The following SRR variants were observed in gnomAD, a reference collection of about 807,000 sequenced individuals.
SRR encodes D-serine ammonia-lyase.
SRR carries 19 observed loss-of-function variants against 32.7 expected under a neutral mutation model. The observed-to-expected ratio is 0.58, with a 90% confidence interval of 0.40 to 0.85. SRR has a LOEUF of 0.85. SRR is among the 40% of genes least tolerant of loss of function. The pLI is 0.00. For synonymous variants in SRR, 142 were observed against 140.9 expected (o/e 1.01, Z -0.06); for missense variants, 373 against 404.7 (o/e 0.92, Z 0.67).
At position 2,321,554 on chromosome 17, in the gene SRR, G is replaced by T; in HGVS notation, c.532G>T (p.Asp178Tyr). Residue 178 changes from aspartate (D) to tyrosine (Y), a missense_variant, in exon 6 of 8, where the codon GAT (aspartate) becomes TAT (tyrosine). Asp to Tyr is a radical substitution (Grantham distance 160, BLOSUM62 -3). Coordinates refer to ENST00000344595, the MANE Select transcript of SRR (RefSeq NM_021947.3). ...LEVLNQVPLV[D>Y]ALVVPVGGGG... Reference sequence around the variant, plus strand: ...ATTTTCACTAAAGGTTCCTTTGGTGGATGCACTGGTGGTACCTGTAGGTGG... The same window carrying T: ...ATTTTCACTAAAGGTTCCTTTGGTGTATGCACTGGTGGTACCTGTAGGTGG... The T allele has an allele frequency of 6.2e-7, 1 of 1,614,068 alleles. No homozygotes were observed. Among genetic ancestry groups the T allele is most frequent in the Non-Finnish European group, 8.5e-7 (1 of 1,179,976 alleles).
intron 2 of SRR, 105 bp downstream of exon 2, chr17:2,315,833 CCTTTATACAG>C: frequency 1.8e-6 from 2 of 1,096,856 alleles, no homozygotes; most frequent in Non-Finnish European, 2.6e-6. Context: ...TAAATTAATG[CCTTTATACAG>C]CTGGAAAAAA....
In SRR at chr17:2,318,035, A is replaced by G. The variant is rs754344252; in HGVS notation, c.295+39A>G. The G allele has an allele frequency of 5.9e-6, 9 of 1,535,206 alleles. No homozygotes were observed. The Admixed American group carries it at 1.5e-4, about 26-fold the overall frequency. ...CAAGGTACTGGGTAGATCTTCAGAA[A>G]GGAGTGGAAAAGTGCCCTTAATTTC... On this transcript the variant is annotated intron_variant, in intron 3 of 7. Transcript: ENST00000344595.
chr17:2,303,800 C>T (rs1333610122), upstream of SRR: 2 of 1,206,684 alleles, frequency 1.7e-6, no homozygotes, highest in African/African-American at 3.2e-5. Context: ...GGGCGGCGCG[C>T]GCGCTCGCCC....
chr17:2,312,667 A>G (rs1234649597), intron 1 of SRR, among the ~76,000 whole-genome samples: 1 of 152,214 alleles, frequency 6.6e-6, no homozygotes, highest in Non-Finnish European at 1.5e-5. Flanking sequence ...GAAAAGAGGC[A>G]TCATTCCATC....
intron 1 of SRR, among the ~76,000 whole-genome samples, chr17:2,312,359 T>A (rs960880047): frequency 1.3e-5 from 2 of 151,632 alleles, no homozygotes; most frequent in African/African-American, 4.8e-5. Flanking sequence ...ACTTTGGGAG[T>A]CTGAGGCAGG....
Position 2,323,291 on chromosome 17 carries a change from T to A in SRR, c.750T>A (p.Pro250=). 6.2e-7 allele frequency: 1 copy of A among 1,614,150 alleles called. No individual in the cohort carries two copies. The change falls in exon 7 of 8, where the codon CCT becomes CCA. Residue 250 remains proline, a synonymous_variant. Coordinates refer to ENST00000344595, the MANE Select transcript of SRR (RefSeq NM_021947.3). ...CCAGCATTGGCTTGAACACCTGGCC[T>A]ATTATCAGGGACCTTGTGGATGATA... ...VKSSIGLNTW[P]IIRDLVDDIF...
chr17:2,307,409 G>T, intron 1 of SRR: 1 of 1,224,288 alleles, frequency 8.2e-7, no homozygotes. Flanking sequence ...GACAACTTTG[G>T]TTGTGAAGGA....
intron 1 of SRR, chr17:2,307,822 C>T: frequency 2.9e-6 from 2 of 681,920 alleles, no homozygotes; most frequent in Non-Finnish European, 5.3e-6. Flanking sequence ...GTGGCAGGGC[C>T]TAGCTGCTAC....
intron 4 of SRR, among the ~76,000 whole-genome samples, chr17:2,320,643 C>G (rs1420907555): frequency 1.3e-5 from 2 of 151,970 alleles, no homozygotes; most frequent in Non-Finnish European, 2.9e-5. Flanking sequence ...CTCCCTGCAG[C>G]CTCCGCTTCC....
At chr17:2,317,133 G>A (rs911106947) in intron 2 of SRR, among the ~76,000 whole-genome samples, 2 of 143,806 alleles carry the variant, frequency 1.4e-5, no homozygotes, top group Admixed American at 1.5e-4. Flanking sequence ...AACCCAGAAG[G>A]CAGAGGTTGC....
In SRR at chr17:2,317,937, T is replaced by C. The variant is rs754667970; in HGVS notation, c.236T>C (p.Val79Ala). Residue 79 changes from valine (V) to alanine (A), a missense_variant, in exon 3 of 8, where the codon GTT becomes GCT. Coordinates refer to ENST00000344595, the MANE Select transcript of SRR (RefSeq NM_021947.3). The stretch of plus-strand genomic sequence containing the variant: ...GCTTTAGAAAGGAAGCCGAAAGCTG[T>C]TGTTACTCACAGCAGTGGAAACCAT... The part of the protein sequence containing the change: ...PDALERKPKA[V>A]VTHSSGNHGQ... 26 of 1,614,076 alleles carry C rather than the reference T, an allele frequency of 1.6e-5. No individual in the cohort carries two copies. The highest frequency in any genetic ancestry group is 2.1e-5 in the Non-Finnish European group (25 of 1,180,000).
Position 2,315,735 on chromosome 17 carries a change from A to C in SRR, c.168+7A>C. ...GAAAACAGGATCTTTTAAGGTAACA[A>C]TCCTTTTTCTCAGTGTATCATGTAT... On this transcript the variant is annotated splice_region_variant and intron_variant, in intron 2 of 7. Coordinates refer to ENST00000344595, the MANE Select transcript of SRR (RefSeq NM_021947.3). 1 of 1,612,426 alleles carries C rather than the reference A, an allele frequency of 6.2e-7. No homozygotes were observed. Among genetic ancestry groups the C allele is most frequent in the Non-Finnish European group, 8.5e-7 (1 of 1,179,062 alleles).
At chr17:2,303,659 G>T, upstream of SRR, 1 of 1,491,988 alleles carries the variant, frequency 6.7e-7, no homozygotes, top group Non-Finnish European at 8.9e-7. Flanking sequence ...CGGGGCCAGA[G>T]TAGCCAGGAT....
chr17:2,307,237 G>T, intron 1 of SRR: 1 of 1,257,996 alleles, frequency 7.9e-7, no homozygotes, highest in Non-Finnish European at 1.1e-6. Flanking sequence ...TGACTCCGTG[G>T]ATAAGACTGT....
Position 2,312,411 on chromosome 17 carries a change from C to T in SRR, c.-4-3146C>T, listed in dbSNP as rs146383578. On this transcript the variant is annotated intron_variant, in intron 1 of 7. Coordinates refer to ENST00000344595, the MANE Select transcript of SRR (RefSeq NM_021947.3). Reference sequence around the variant, plus strand: ...GAGATCGAGACCATCCTGGCTAACACAGTGAAACCCTGTCTCTACTAAAAA... The same window carrying T: ...GAGATCGAGACCATCCTGGCTAACATAGTGAAACCCTGTCTCTACTAAAAA... Among the ~76,000 whole-genome samples the T allele has an allele frequency of 8.1e-4, 123 of 151,932 alleles. 3 individuals carry two copies. In the East Asian group the frequency reaches 0.023, roughly 28 times the overall value.
rs770500874 is a variant in SRR, at chr17:2,323,274, G to C, written c.733G>C (p.Gly245Arg). 3.1e-6 allele frequency: 5 copies of C among 1,614,000 alleles called. No homozygotes were observed. The highest frequency in any genetic ancestry group is 4.2e-6 in the Non-Finnish European group (5 of 1,180,012). Residue 245 changes from glycine (G) to arginine (R), a missense_variant, in exon 7 of 8, where the codon GGC (glycine) becomes CGC (arginine). Transcript: ENST00000344595. ...AGCAGATGGTGTCAAATCCAGCATT[G>C]GCTTGAACACCTGGCCTATTATCAG... Reference protein sequence around the residue: ...TIADGVKSSIGLNTWPIIRDL... With the variant: ...TIADGVKSSIRLNTWPIIRDL...
chr17:2,307,472 G>A (rs529514902), intron 1 of SRR: 35 of 1,434,344 alleles, frequency 2.4e-5, no homozygotes, highest in African/African-American at 5.6e-5. Context: ...GGTGGATATC[G>A]TGCAGTGGGG....
chr17:2,311,929 G>A (rs894619165), intron 1 of SRR, among the ~76,000 whole-genome samples: 6 of 152,120 alleles, frequency 3.9e-5, no homozygotes, highest in Non-Finnish European at 8.8e-5. Flanking sequence ...TGTTAAGAAG[G>A]CTGGGTGTGG....
rs2084638182 is a variant in SRR at position 2,321,426 on chromosome 17, G to A, written c.519+1G>A. ...AATTGCCCTGGAAGTGCTGAACCAGGTAAAATAGCTGAGTTCTTCCTGTTT... is the reference window on the plus strand; with the variant it reads ...AATTGCCCTGGAAGTGCTGAACCAGATAAAATAGCTGAGTTCTTCCTGTTT... On this transcript the variant is annotated splice_donor_variant, in intron 5 of 7. Transcript: ENST00000344595. LOFTEE classifies it high-confidence loss of function. 6.2e-7 allele frequency: 1 copy of A among 1,611,850 alleles called. No homozygotes were observed. The highest frequency in any genetic ancestry group is 1.3e-5 in the African/African-American group (1 of 74,724).
Sources: gnomAD v4.1 joint callset for allele counts (sites outside exome capture counted in the v4.1 genomes callset) on GRCh38, gnomAD v4.1.1 for gene constraint, MANE v1.5 for transcripts, NCBI Gene and HGNC (gene_info 2026-07-23, HGNC 2026-07-21) for gene names.